ALMS1: variants seen among roughly 807,000 people sequenced by gnomAD.
The protein encoded by ALMS1 is centrosome-associated protein ALMS1.
Under a neutral mutation model 352.2 loss-of-function variants are expected in ALMS1, and 271 were observed. The observed-to-expected ratio is 0.77, with a 90% confidence interval of 0.70 to 0.85. ALMS1 has a LOEUF of 0.85. Ranked by LOEUF, ALMS1 falls within the 40% of genes least tolerant of loss-of-function variation. The pLI is 0.00. For missense variants in ALMS1, 5,445 were observed against 4,870.7 expected (o/e 1.12, Z -3.51); for synonymous variants, 1,865 against 1,761.2 (o/e 1.06, Z -1.48).
intron 1 of ALMS1, among the ~76,000 whole-genome samples, chr2:73,400,082 C>T (rs1275682658): frequency 6.6e-6 from 1 of 151,910 alleles, no homozygotes; most frequent in Non-Finnish European, 1.5e-5. Context: ...GGACCACAGG[C>T]ATGTGCCACC....
chr2:73,428,211 A>G (rs1000708781), intron 6 of ALMS1, among the ~76,000 whole-genome samples: 2 of 152,178 alleles, frequency 1.3e-5, no homozygotes, highest in Admixed American at 6.5e-5. Flanking sequence ...TCCTCTGTCA[A>G]TCCTATCAAA....
chr2:73,451,400 A>G lies in ALMS1; in HGVS notation c.4873A>G (p.Ile1625Val). The G allele has an allele frequency of 6.2e-7, 1 of 1,613,696 alleles. No individual in the cohort carries two copies. The highest frequency in any genetic ancestry group is 8.5e-7 in the Non-Finnish European group (1 of 1,179,922). The change falls in exon 8 of 23, where the codon ATT becomes GTT. Residue 1625 changes from isoleucine to valine, a missense_variant. Transcript: ENST00000613296. The stretch of plus-strand genomic sequence containing the variant: ...TTCCAGTGCACTTGGAGAGAAGCCC[A>G]TTACTTTCTACCGGCAGGCTCTGCT... Reference protein sequence around the residue: ...LGSSALGEKPITFYRQALLDS... With the variant: ...LGSSALGEKPVTFYRQALLDS...
Position 73,452,502 on chromosome 2 carries a change from A to G in ALMS1, c.5975A>G (p.His1992Arg). ...IGLSSSYSHS[H>R]KEKLKISTVH... is the part of the protein sequence containing the mutation. ...CTGTCTAGTTCCTACTCACATTCAC[A>G]TAAAGAGAAACTCAAGATTTCAACT... Residue 1992 changes from histidine to arginine, a missense_variant, in exon 8 of 23, where the codon CAT (histidine) becomes CGT (arginine). Physicochemically the swap from His to Arg is conservative, Grantham distance 29 (BLOSUM62 0). Coordinates refer to ENST00000613296, the MANE Select transcript of ALMS1 (RefSeq NM_001378454.1). The G allele has an allele frequency of 6.2e-7, 1 of 1,614,124 alleles. No individual in the cohort carries two copies. Among genetic ancestry groups the G allele is most frequent in the Non-Finnish European group, 8.5e-7 (1 of 1,180,002 alleles).
At chr2:73,409,048 A>T (rs941352404) in intron 2 of ALMS1, among the ~76,000 whole-genome samples, 3 of 151,126 alleles carry the variant, frequency 2.0e-5, no homozygotes, top group African/African-American at 4.9e-5. Flanking sequence ...AATTATTTTT[A>T]AAAAATTTTT....
At chr2:73,558,744 T>G (rs924577044) in intron 14 of ALMS1, among the ~76,000 whole-genome samples, 2 of 152,200 alleles carry the variant, frequency 1.3e-5, no homozygotes, top group African/African-American at 4.8e-5. Flanking sequence ...TTAGTTTTTC[T>G]TTCTTTGAAT....
At chr2:73,486,752 G>C (rs766392167) in intron 9 of ALMS1, among the ~76,000 whole-genome samples, 4 of 152,092 alleles carry the variant, frequency 2.6e-5, no homozygotes, top group African/African-American at 7.2e-5. Flanking sequence ...AGGAGAAATA[G>C]GGAAAAGTAC....
At chr2:73,405,351 G>A (rs1205341395) in intron 1 of ALMS1, among the ~76,000 whole-genome samples, 1 of 152,050 alleles carries the variant, frequency 6.6e-6, no homozygotes, top group East Asian at 1.9e-4. Flanking sequence ...GTTTCTTCTA[G>A]GCTGTCCAAT....
intron 16 of ALMS1, among the ~76,000 whole-genome samples, chr2:73,593,254 T>C (rs1421446275): frequency 6.6e-6 from 1 of 151,190 alleles, no homozygotes; most frequent in Non-Finnish European, 1.5e-5. Flanking sequence ...GGGACATGAG[T>C]GCAGATGTGT....
At chr2:73,385,795 C>A (rs1189470160), upstream of ALMS1, 1 of 636,848 alleles carries the variant, frequency 1.6e-6, no homozygotes, top group African/African-American at 1.9e-5. Context: ...GCCACAACCG[C>A]CAGTCAGGGC....
chr2:73,572,196 A>G (rs1210696913), intron 15 of ALMS1, 66 bp from the exon 16 acceptor site: 22 of 1,334,038 alleles, frequency 1.6e-5, no homozygotes, highest in Middle Eastern at 2.3e-4. Flanking sequence ...AAGAATTGTG[A>G]ATAGTATTTC....
intron 16 of ALMS1, among the ~76,000 whole-genome samples, chr2:73,599,189 T>TA (rs1402108617): frequency 2.6e-5 from 4 of 152,180 alleles, no homozygotes; most frequent in Admixed American, 6.5e-5. Context: ...TTTTTTGTCT[T>TA]ACCACCTTAT....
chr2:73,501,491 G>A (rs1261582610), intron 10 of ALMS1, among the ~76,000 whole-genome samples: 2 of 152,044 alleles, frequency 1.3e-5, no homozygotes, highest in African/African-American at 4.8e-5. Context: ...CCTTTGTGGT[G>A]TAAGTTATGC....
chr2:73,590,861 A>G (rs892674072), intron 16 of ALMS1, among the ~76,000 whole-genome samples: 6 of 151,558 alleles, frequency 4.0e-5, no homozygotes, highest in Non-Finnish European at 8.8e-5. Flanking sequence ...TTGTATTTTT[A>G]GTAGAGACGG....
At chr2:73,507,295 A>G (rs1029183195) in intron 10 of ALMS1, among the ~76,000 whole-genome samples, 3 of 152,192 alleles carry the variant, frequency 2.0e-5, no homozygotes, top group Admixed American at 6.5e-5. Flanking sequence ...GGCCTCATAA[A>G]ATGAGTTAGG....
At chr2:73,570,490 T>C (rs867726804) in intron 15 of ALMS1, among the ~76,000 whole-genome samples, 5 of 151,974 alleles carry the variant, frequency 3.3e-5, no homozygotes, top group Middle Eastern at 6.8e-3. Context: ...GAAGAGGGAA[T>C]TGGGGTAGGG....
intron 15 of ALMS1, among the ~76,000 whole-genome samples, chr2:73,562,564 C>CA (rs541917640): frequency 5.9e-5 from 9 of 151,334 alleles, no homozygotes; most frequent in Non-Finnish European, 1.3e-4. Flanking sequence ...GTTGTAAAAT[C>CA]AAAAAATACA....
chr2:73,472,729 A>G (rs1672493593), intron 9 of ALMS1, among the ~76,000 whole-genome samples: 1 of 152,040 alleles, frequency 6.6e-6, no homozygotes, highest in African/African-American at 2.4e-5. Context: ...AGCAGCTTAT[A>G]CTCATGGTGC....
chr2:73,424,550 A>G lies in ALMS1; in HGVS notation c.885A>G (p.Val295=), dbSNP rs781450079. 5 of 1,613,646 alleles carry G rather than the reference A, an allele frequency of 3.1e-6. No homozygotes were observed. Among genetic ancestry groups the G allele is most frequent in the East Asian group, 2.2e-5 (1 of 44,860 alleles). Residue 295 remains valine, a synonymous_variant, in exon 5 of 23, where the codon GTA becomes GTG. Coordinates refer to ENST00000613296, the MANE Select transcript of ALMS1 (RefSeq NM_001378454.1). ...ASDLASSRFS[V]SQHPLIGSTA... Reference sequence around the variant, plus strand: ...ACTTAGCAAGCAGTCGCTTTAGTGTATCTCAGCACCCGCTTATAGGCAGCA... The same window carrying G: ...ACTTAGCAAGCAGTCGCTTTAGTGTGTCTCAGCACCCGCTTATAGGCAGCA...
intron 11 of ALMS1, 120 bp from the exon 12 acceptor site, chr2:73,534,704 T>G: frequency 1.0e-6 from 1 of 1,003,178 alleles, no homozygotes; most frequent in Non-Finnish European, 1.5e-6. Flanking sequence ...CATTTCTCTT[T>G]GTTTACTCAT....
Sources: gnomAD v4.1 joint callset for allele counts (sites outside exome capture counted in the v4.1 genomes callset) on GRCh38, gnomAD v4.1.1 for gene constraint, MANE v1.5 for transcripts, NCBI Gene and HGNC (gene_info 2026-07-23, HGNC 2026-07-21) for gene names.